The following SAMD5 variants were observed in gnomAD, a reference collection of about 807,000 sequenced individuals.
SAMD5 encodes the protein sterile alpha motif domain-containing protein 5.
Under a neutral mutation model 11.3 loss-of-function variants are expected in SAMD5, and 13 were observed. The ratio of observed to expected loss-of-function variants is 1.15; its 90% CI spans 0.75 to 1.83. SAMD5 has a LOEUF of 1.83. Among genes scored for constraint, SAMD5 ranks in the 40% most tolerant of loss-of-function variants. SAMD5 has a pLI of 0.00. For synonymous variants in SAMD5, 129 were observed against 111.3 expected, an observed-to-expected ratio of 1.16 and a Z score of -1.00; for missense variants, 255 against 239.1, an observed-to-expected ratio of 1.07 and a Z score of -0.44.
At chr6:147,894,273 G>A in the SAMD5 span, among the ~76,000 whole-genome samples, 1 of 151,922 alleles carries the variant, frequency 6.6e-6, no homozygotes, top group African/African-American at 2.4e-5. Flanking sequence ...ACAGGCGCAC[G>A]CCACCACACC....
intron 1 of SAMD5, among the ~76,000 whole-genome samples, chr6:147,618,472 T>A (rs1583108925): frequency 6.6e-6 from 1 of 152,202 alleles, no homozygotes; most frequent in South Asian, 2.1e-4. Context: ...CTCTGGGAAG[T>A]AGGCTGGTCC....
intron 1 of SAMD5, among the ~76,000 whole-genome samples, chr6:147,664,746 A>C (rs948238406): frequency 1.8e-4 from 27 of 152,198 alleles, no homozygotes; most frequent in Admixed American, 5.2e-4. Flanking sequence ...TTTATAATGT[A>C]TATGAAATTC....
chr6:147,562,788 C>G (rs1252908657), intron 1 of SAMD5, among the ~76,000 whole-genome samples: 1 of 151,976 alleles, frequency 6.6e-6, no homozygotes, highest in Non-Finnish European at 1.5e-5. Context: ...CACCACTGCA[C>G]TCCAGCCTGG....
At chr6:147,740,986 A>G (rs1791871727), downstream of SAMD5, among the ~76,000 whole-genome samples, 1 of 152,180 alleles carries the variant, frequency 6.6e-6, no homozygotes, top group Admixed American at 6.5e-5. Context: ...TGACTGTGTT[A>G]AGTGTGCTGT....
intron 1 of SAMD5, among the ~76,000 whole-genome samples, chr6:147,539,862 TA>T (rs941046046): frequency 1.4e-4 from 22 of 151,760 alleles, no homozygotes; most frequent in Admixed American, 5.2e-4. Context: ...TCATAGTGTT[TA>T]AAAAAAAATC....
chr6:147,741,233 A>G (rs1275133810), downstream of SAMD5, among the ~76,000 whole-genome samples: 2 of 152,128 alleles, frequency 1.3e-5, no homozygotes. Flanking sequence ...TCCCCAGAGG[A>G]AACATTTTTC....
intron 1 of SAMD5, among the ~76,000 whole-genome samples, chr6:147,672,669 A>G (rs1423686437): frequency 6.6e-6 from 1 of 151,684 alleles, no homozygotes; most frequent in Non-Finnish European, 1.5e-5. Context: ...TATCCCCCAC[A>G]TCCACCTTCC....
chr6:147,741,819 G>A (rs894824517), downstream of SAMD5: 6 of 152,130 alleles, frequency 3.9e-5, no homozygotes, highest in African/African-American at 1.4e-4. Context: ...CTCCTTCTCT[G>A]CTCTTTTCTT....
the SAMD5 span, among the ~76,000 whole-genome samples, chr6:147,762,890 G>GT: frequency 3.3e-5 from 5 of 152,222 alleles, no homozygotes; most frequent in Admixed American, 6.5e-5. Context: ...TAGCTGAGCA[G>GT]TTTTTTTATA....
At chr6:147,542,792 T>C (rs1788627691) in intron 1 of SAMD5, among the ~76,000 whole-genome samples, 1 of 152,164 alleles carries the variant, frequency 6.6e-6, no homozygotes, top group Non-Finnish European at 1.5e-5. Flanking sequence ...ATTTGGTCGC[T>C]AACATTAGTC....
the SAMD5 span, among the ~76,000 whole-genome samples, chr6:147,849,586 T>C: frequency 6.6e-6 from 1 of 152,232 alleles, no homozygotes; most frequent in African/African-American, 2.4e-5. Context: ...TTTTGTATCC[T>C]GATTTAGCAC....
At chr6:147,942,297 T>C in the SAMD5 span, among the ~76,000 whole-genome samples, 1 of 152,210 alleles carries the variant, frequency 6.6e-6, no homozygotes, top group African/African-American at 2.4e-5. Flanking sequence ...GATCTGGCAC[T>C]CCCAAGCTTT....
At chr6:147,652,477 A>G (rs1230251691) in intron 1 of SAMD5, among the ~76,000 whole-genome samples, 2 of 152,216 alleles carry the variant, frequency 1.3e-5, no homozygotes, top group Non-Finnish European at 2.9e-5. Flanking sequence ...ACATTGAGAC[A>G]CCATGGATCA....
At chr6:147,591,406 A>G (rs844571) in intron 1 of SAMD5, among the ~76,000 whole-genome samples, 100,272 of 151,780 alleles carry the variant, frequency 0.66, 33,329 homozygotes, top group South Asian at 0.74. Context: ...GGGAGTGTTC[A>G]CTGAATTAAA....
chr6:147,795,734 CCTGA>C, the SAMD5 span, among the ~76,000 whole-genome samples: 1 of 148,690 alleles, frequency 6.7e-6, no homozygotes, highest in Non-Finnish European at 1.5e-5. Flanking sequence ...CCTGTTGTTT[CCTGA>C]CTTTTTAATG....
At chr6:147,550,521 G>A (rs913837443) in intron 1 of SAMD5, among the ~76,000 whole-genome samples, 2 of 152,140 alleles carry the variant, frequency 1.3e-5, no homozygotes, top group Non-Finnish European at 2.9e-5. Flanking sequence ...ATCAATGGAT[G>A]ACTAGATTAA....
the SAMD5 span, among the ~76,000 whole-genome samples, chr6:147,936,449 TG>T: frequency 9.1e-6 from 1 of 109,528 alleles, no homozygotes; most frequent in African/African-American, 3.6e-5. Context: ...GGGGCAGTGG[TG>T]GGGGAGGGGG....
intron 1 of SAMD5, among the ~76,000 whole-genome samples, chr6:147,589,143 G>A (rs945516679): frequency 1.3e-5 from 2 of 151,960 alleles, no homozygotes; most frequent in Non-Finnish European, 2.9e-5. Context: ...TGTTCTTGTA[G>A]AGACAGGATC....
intron 1 of SAMD5, among the ~76,000 whole-genome samples, chr6:147,593,846 C>T (rs1195459742): frequency 6.6e-6 from 1 of 152,062 alleles, no homozygotes; most frequent in African/African-American, 2.4e-5. Context: ...AAGCAACAGG[C>T]AGCTGGGCAC....
Sources: gnomAD v4.1 joint callset for allele counts (sites outside exome capture counted in the v4.1 genomes callset) on GRCh38, gnomAD v4.1.1 for gene constraint, MANE v1.5 for transcripts, NCBI Gene and HGNC (gene_info 2026-07-23, HGNC 2026-07-21) for gene names.